The following ARHGEF18 variants were observed in gnomAD, a reference collection of about 807,000 sequenced individuals.
ARHGEF18 encodes rho guanine nucleotide exchange factor 18.
In ARHGEF18, 93 loss-of-function variants were observed where a neutral mutation model predicts 155.7. The observed-to-expected ratio is 0.60, with a 90% CI of 0.50 to 0.71. The LOEUF (loss-of-function observed/expected upper bound fraction) is 0.71, where lower values mean the gene tolerates loss of function less well. ARHGEF18 is among the 30% of genes least tolerant of loss of function. The probability of loss-of-function intolerance (pLI) is 0.00; values close to 1 mark genes in which losing one functional copy is unlikely to be tolerated. For missense variants in ARHGEF18, 1,593 were observed against 1,816.1 expected, an observed-to-expected ratio of 0.88 and a Z score of 2.23; for synonymous variants, 742 against 753.1, an observed-to-expected ratio of 0.99 and a Z score of 0.24.
intron 2 of ARHGEF18, among the ~76,000 whole-genome samples, chr19:7,364,814 C>A (rs1969813603): frequency 6.6e-6 from 1 of 152,140 alleles, no homozygotes; most frequent in Admixed American, 6.6e-5. Context: ...AAACATAGTT[C>A]AGCTCCAGCT....
At chr19:7,460,638 A>ACG (rs1976167981) in intron 20 of ARHGEF18, among the ~76,000 whole-genome samples, 1 of 146,574 alleles carries the variant, frequency 6.8e-6, no homozygotes, top group Admixed American at 6.8e-5. Flanking sequence ...ATGGAGTCAC[A>ACG]CCGCGCGGCC....
In ARHGEF18 at chr19:7,462,233, G is replaced by A; in HGVS notation, c.2534G>A (p.Gly845Asp). 1 of 1,613,958 alleles carries A rather than the reference G, an allele frequency of 6.2e-7. No homozygotes were observed. The highest frequency in any genetic ancestry group is 8.5e-7 in the Non-Finnish European group (1 of 1,180,030). ...QQIYLEMAEM[G>D]GLEDLPQPRG... The stretch of plus-strand genomic sequence containing the variant: ...ATCTACCTGGAGATGGCCGAGATGG[G>A]CGGCCTCGAAGACCTGCCCCAGCCC... Residue 845 changes from glycine (G) to aspartate (D), a missense_variant, in exon 21 of 29, where the codon GGC becomes GAC. By Grantham distance (94) the Gly-to-Asp change is moderately conservative. Transcript: ENST00000668164. This position sits in a 1 kb window ranked among gnomAD's most constrained non-coding sequence, Gnocchi z 4.4.
rs760333256 is a variant in ARHGEF18 at position 7,463,768 on chromosome 19, A to G, written c.2636-50A>G. On this transcript the variant is annotated intron_variant, in intron 21 of 28. Transcript: ENST00000668164. The surrounding 1 kb of genome is among the most constrained non-coding windows in gnomAD (Gnocchi z 5.2). Reference sequence around the variant, plus strand: ...CTGCCCCAGCGCTCCGTATTCCCCCAGCACACTTCCGCAGGGCGACCCGTG... The same window carrying G: ...CTGCCCCAGCGCTCCGTATTCCCCCGGCACACTTCCGCAGGGCGACCCGTG... The G allele has an allele frequency of 3.2e-6, 5 of 1,549,158 alleles. No homozygotes were observed. In the South Asian group the frequency reaches 4.8e-5, roughly 15 times the overall value.
At chr19:7,371,752 T>G (rs1600214718) in intron 2 of ARHGEF18, among the ~76,000 whole-genome samples, 1 of 148,608 alleles carries the variant, frequency 6.7e-6, no homozygotes, top group African/African-American at 2.5e-5. Flanking sequence ...ACCCGGGAGG[T>G]GAAGGTTGCA....
chr19:7,398,625 A>G (rs1971855305), intron 10 of ARHGEF18, among the ~76,000 whole-genome samples: 1 of 150,554 alleles, frequency 6.6e-6, no homozygotes, highest in African/African-American at 2.4e-5. Flanking sequence ...CGCAAGGCAG[A>G]GGTTGCAGTG....
chr19:7,360,733 C>T (rs1452006950), intron 1 of ARHGEF18, among the ~76,000 whole-genome samples: 3 of 152,238 alleles, frequency 2.0e-5, no homozygotes, highest in Non-Finnish European at 4.4e-5. Flanking sequence ...CCCTCCCAAG[C>T]TCCCACCAAC....
At chr19:7,389,181 C>T (rs1171079610) in intron 10 of ARHGEF18, among the ~76,000 whole-genome samples, 3 of 150,284 alleles carry the variant, frequency 2.0e-5, no homozygotes, top group Admixed American at 6.7e-5. Context: ...GACAGAGTCT[C>T]GCTCTGTTGC....
intron 15 of ARHGEF18, among the ~76,000 whole-genome samples, chr19:7,450,408 C>T (rs1488611011): frequency 7.2e-6 from 1 of 139,518 alleles, no homozygotes; most frequent in South Asian, 2.4e-4. Context: ...TGTCCGTTTC[C>T]AAGATGTTAA....
intron 10 of ARHGEF18, among the ~76,000 whole-genome samples, chr19:7,424,261 G>C (rs1973528435): frequency 6.6e-6 from 1 of 151,994 alleles, no homozygotes. Context: ...CCCGACCTCA[G>C]GTGATCCGCC....
intron 23 of ARHGEF18, among the ~76,000 whole-genome samples, chr19:7,466,338 G>A (rs1400791038): frequency 7.0e-6 from 1 of 142,812 alleles, no homozygotes; most frequent in Non-Finnish European, 1.5e-5. Flanking sequence ...AGCTGAGATC[G>A]TGCCATTGCA....
intron 1 of ARHGEF18, among the ~76,000 whole-genome samples, chr19:7,353,773 C>T (rs1969213886): frequency 6.6e-6 from 1 of 151,154 alleles, no homozygotes; most frequent in African/African-American, 2.4e-5. Context: ...GCCAACATGG[C>T]AAAACCCTGC....
At chr19:7,419,050 T>C (rs1973175986) in intron 10 of ARHGEF18, among the ~76,000 whole-genome samples, 1 of 133,464 alleles carries the variant, frequency 7.5e-6, no homozygotes, top group African/African-American at 3.2e-5. Flanking sequence ...ACACTCGGCC[T>C]CTGTACCCCA....
In ARHGEF18 at chr19:7,440,908, A is replaced by G. The variant is rs1014310472; in HGVS notation, c.1106+426A>G. 1.3e-5 allele frequency among the ~76,000 whole-genome samples: 2 copies of G among 152,076 alleles called. No individual in the cohort carries two copies. The highest frequency in any genetic ancestry group is 6.6e-5 in the Admixed American group (1 of 15,264). On this transcript the variant is annotated intron_variant, in intron 11 of 28. Coordinates refer to ENST00000668164, the MANE Select transcript of ARHGEF18 (RefSeq NM_001367823.1). This position sits in a 1 kb window ranked among gnomAD's most constrained non-coding sequence, Gnocchi z 5.4. ...GTAGAAAGTGATGCTAGAAGCTGAT[A>G]TGTTTGTGGTGACTATTCCATGAGT...
chr19:7,442,931 C>G (rs940041767), intron 13 of ARHGEF18, among the ~76,000 whole-genome samples: 1 of 152,066 alleles, frequency 6.6e-6, no homozygotes, highest in African/African-American at 2.4e-5. Flanking sequence ...TACTCTGTCA[C>G]CCAGGCTGGA....
Position 7,462,141 on chromosome 19 carries a change from T to C in ARHGEF18, c.2453-11T>C, listed in dbSNP as rs2145885102. On this transcript the variant is annotated splice_polypyrimidine_tract_variant and intron_variant, in intron 20 of 28. Transcript: ENST00000668164. The surrounding 1 kb of genome is among the most constrained non-coding windows in gnomAD (Gnocchi z 4.4). Reference sequence around the variant, plus strand: ...ACCCGGCTGACTGCCACCTCCACCATCACTCTGCAGAGCGGTTGAGCATGA... The same window carrying C: ...ACCCGGCTGACTGCCACCTCCACCACCACTCTGCAGAGCGGTTGAGCATGA... 1 of 1,613,552 alleles carries C rather than the reference T, an allele frequency of 6.2e-7. No homozygotes were observed. The highest frequency in any genetic ancestry group is 8.5e-7 in the Non-Finnish European group (1 of 1,179,970).
At chr19:7,413,570 G>T (rs1363416890) in intron 10 of ARHGEF18, among the ~76,000 whole-genome samples, 1 of 151,564 alleles carries the variant, frequency 6.6e-6, no homozygotes, top group African/African-American at 2.4e-5. Flanking sequence ...CAAAGTGCTG[G>T]GATTACAGGC....
intron 1 of ARHGEF18, among the ~76,000 whole-genome samples, chr19:7,357,796 G>A (rs986028979): frequency 2.0e-5 from 3 of 152,054 alleles, no homozygotes; most frequent in African/African-American, 4.8e-5. Context: ...GGAGAACTGA[G>A]ACCTTCAGTG....
intron 23 of ARHGEF18, among the ~76,000 whole-genome samples, chr19:7,465,441 C>T (rs546645105): frequency 3.4e-4 from 49 of 144,144 alleles, no homozygotes; most frequent in Admixed American, 1.3e-3. Flanking sequence ...CAAGGTCTCA[C>T]TCTGTCACCC....
chr19:7,425,295 T>C (rs1973591711), intron 10 of ARHGEF18, among the ~76,000 whole-genome samples: 1 of 152,160 alleles, frequency 6.6e-6, no homozygotes, highest in Admixed American at 6.6e-5. Context: ...GGCTTGGTCT[T>C]ACACATTTAG....
Sources: gnomAD v4.1 joint callset for allele counts (sites outside exome capture counted in the v4.1 genomes callset) on GRCh38, gnomAD v4.1.1 for gene constraint, Gnocchi (gnomAD v3.1) non-coding constraint, MANE v1.5 for transcripts, NCBI Gene and HGNC (gene_info 2026-07-23, HGNC 2026-07-21) for gene names.